FBLN2: variants seen among roughly 807,000 people sequenced by gnomAD.
FBLN2 encodes the protein fibulin-2.
Under a neutral mutation model 123.7 loss-of-function variants are expected in FBLN2, and 81 were observed. The ratio of observed to expected loss-of-function variants is 0.65; its 90% confidence interval spans 0.55 to 0.79. The LOEUF is 0.79. Among genes scored for constraint, FBLN2 ranks in the 30% least tolerant of loss-of-function variants. FBLN2 has a pLI of 0.00. For missense variants in FBLN2, 1,603 were observed against 1,681.3 expected (o/e 0.95, Z 0.81); for synonymous variants, 699 against 701.4 (o/e 1.00, Z 0.05).
chr3:13,622,628 G>A (rs564102530), intron 9 of FBLN2, among the ~76,000 whole-genome samples: 1 of 152,358 alleles, frequency 6.6e-6, no homozygotes, highest in African/African-American at 2.4e-5. Context: ...CACCTGGCCT[G>A]CACATCGCCC....
intron 1 of FBLN2, among the ~76,000 whole-genome samples, chr3:13,560,364 G>A (rs962232210): frequency 1.1e-4 from 17 of 152,164 alleles, no homozygotes; most frequent in Non-Finnish European, 1.6e-4. Context: ...ACCAGTGAGC[G>A]TGTGAGGAGC....
At chr3:13,600,616 C>T (rs1705000395) in intron 2 of FBLN2, among the ~76,000 whole-genome samples, 1 of 137,786 alleles carries the variant, frequency 7.3e-6, no homozygotes. Context: ...ATTTTGTACA[C>T]TTTTTTTTTT....
In FBLN2 at chr3:13,637,559, C is replaced by T. The variant is rs765879608; in HGVS notation, c.3339-3C>T. On this transcript the variant is annotated splice_polypyrimidine_tract_variant and splice_region_variant and intron_variant, in intron 17 of 17. Transcript: ENST00000404922. Reference sequence around the variant, plus strand: ...TGGGTGACCCGGCCTATCCTCCCTGCAGGAAGTGCGAGCGCACCACGTGCC... The same window carrying T: ...TGGGTGACCCGGCCTATCCTCCCTGTAGGAAGTGCGAGCGCACCACGTGCC... 6.3e-7 allele frequency: 1 copy of T among 1,597,936 alleles called. No individual in the cohort carries two copies.
intron 8 of FBLN2, among the ~76,000 whole-genome samples, chr3:13,620,793 C>A (rs924418923): frequency 6.6e-6 from 1 of 152,232 alleles, no homozygotes; most frequent in Non-Finnish European, 1.5e-5. Flanking sequence ...ATACCCACAT[C>A]CCTCCCAGAA....
chr3:13,634,701 C>T (rs76966139), intron 16 of FBLN2, among the ~76,000 whole-genome samples: 9,693 of 152,266 alleles, frequency 0.064, 486 homozygotes, highest in African/African-American at 0.13. Context: ...GCCTATTTTA[C>T]GGAGGGAGGG....
rs113307950 is a variant in FBLN2 at position 13,631,294 on chromosome 3, C to T, written c.3086-35C>T. On this transcript the variant is annotated intron_variant, in intron 15 of 17. Coordinates refer to ENST00000404922, the MANE Select transcript of FBLN2 (RefSeq NM_001004019.2). Reference sequence around the variant, plus strand: ...TCAGTGGCTGGGCTCTGTGGGTGGACGAGGTTCACCAGGGGCTGAACCTCT... The same window carrying T: ...TCAGTGGCTGGGCTCTGTGGGTGGATGAGGTTCACCAGGGGCTGAACCTCT... 16 of 1,587,474 alleles carry T rather than the reference C, an allele frequency of 1.0e-5. No individual in the cohort carries two copies. The East Asian group carries it at 1.1e-4, about 11-fold the overall frequency.
intron 1 of FBLN2, among the ~76,000 whole-genome samples, chr3:13,555,826 G>A (rs144825627): frequency 2.3e-3 from 343 of 152,318 alleles, no homozygotes; most frequent in Non-Finnish European, 2.9e-3. Context: ...GTCTAGAGAC[G>A]GTCTCCAATA....
chr3:13,616,074 G>A (rs951674918), intron 5 of FBLN2, among the ~76,000 whole-genome samples: 2 of 152,188 alleles, frequency 1.3e-5, no homozygotes, highest in African/African-American at 2.4e-5. Flanking sequence ...GTGAGTGTGT[G>A]GGGGTTGGAC....
chr3:13,619,972 T>C, intron 8 of FBLN2, 141 bp downstream of exon 8: 1 of 614,618 alleles, frequency 1.6e-6, no homozygotes, highest in Non-Finnish European at 2.8e-6. Flanking sequence ...GCACCCCTAG[T>C]GGAGCAGGTT....
intron 16 of FBLN2, among the ~76,000 whole-genome samples, chr3:13,633,073 A>G (rs1193807494): frequency 1.3e-5 from 2 of 152,232 alleles, no homozygotes; most frequent in Non-Finnish European, 1.5e-5. Context: ...ACCTGTCTGC[A>G]TTGAGGACAG....
At chr3:13,635,333 A>G (rs2124914481) in intron 16 of FBLN2, among the ~76,000 whole-genome samples, 2 of 151,548 alleles carry the variant, frequency 1.3e-5, no homozygotes, top group Non-Finnish European at 2.9e-5. Context: ...TTTCTCAAGA[A>G]CCCATTTCTA....
chr3:13,595,229 G>A (rs972082769), intron 2 of FBLN2, among the ~76,000 whole-genome samples: 11 of 152,170 alleles, frequency 7.2e-5, no homozygotes, highest in African/African-American at 2.4e-4. Flanking sequence ...ACCCACAGAG[G>A]AGAAGGTGAT....
At chr3:13,555,076 C>T (rs1388134138) in intron 1 of FBLN2, among the ~76,000 whole-genome samples, 1 of 151,880 alleles carries the variant, frequency 6.6e-6, no homozygotes, top group African/African-American at 2.4e-5. Flanking sequence ...CCTCAGCCTC[C>T]CGAGTAGCTG....
chr3:13,551,354 G>A (rs990287102), intron 1 of FBLN2, among the ~76,000 whole-genome samples: 29 of 152,200 alleles, frequency 1.9e-4, no homozygotes, highest in African/African-American at 6.5e-4. Flanking sequence ...ACGGTGGTAT[G>A]GGGACCCCGT....
intron 1 of FBLN2, among the ~76,000 whole-genome samples, 196 bp downstream of exon 1, chr3:13,549,404 G>C (rs1703262986): frequency 6.6e-6 from 1 of 151,528 alleles, no homozygotes; most frequent in Non-Finnish European, 1.5e-5. Flanking sequence ...GACGGCCCGC[G>C]AGCGCCGCGA....
chr3:13,637,637 C>A lies in FBLN2; in HGVS notation c.3414C>A (p.Leu1138=), dbSNP rs771767309. The A allele has an allele frequency of 6.2e-7, 1 of 1,614,006 alleles. No homozygotes were observed. The highest frequency in any genetic ancestry group is 1.7e-5 in the Admixed American group (1 of 60,024). Residue 1138 remains leucine (L), a synonymous_variant, in exon 18 of 18, where the codon CTC becomes CTA. Transcript: ENST00000404922. ...CAGCGCGCATCACGCACTACCAGCT[C>A]AACTTCCAGACGGGCCTCCTGGTGC... ...NSPARITHYQ[L]NFQTGLLVPA...
intron 1 of FBLN2, among the ~76,000 whole-genome samples, chr3:13,567,720 C>T (rs1476501592): frequency 6.6e-6 from 1 of 152,006 alleles, no homozygotes. Flanking sequence ...GTAATCCCAG[C>T]ACTGTAGGAG....
In FBLN2 at chr3:13,608,005, A is replaced by G. The variant is rs1264339028; in HGVS notation, c.1307-57A>G. The G allele has an allele frequency of 2.8e-6, 4 of 1,406,468 alleles. 1 individual carries two copies. The highest frequency in any genetic ancestry group is 1.7e-4 in the Middle Eastern group (1 of 5,798). The allele number at this position is 1,406,468 out of a possible 1,614,324, so 87.1% of individuals were successfully genotyped here. The stretch of plus-strand genomic sequence containing the variant: ...AGGAGACCTGGACAGGCCCCTGCAT[A>G]TCTGCTGGACTTGGTGACTTATGAA... On this transcript the variant is annotated intron_variant, in intron 2 of 17. Coordinates refer to ENST00000404922, the MANE Select transcript of FBLN2 (RefSeq NM_001004019.2).
At chr3:13,572,025 G>C (rs1309540882) in intron 2 of FBLN2, among the ~76,000 whole-genome samples, 2 of 152,210 alleles carry the variant, frequency 1.3e-5, no homozygotes, top group African/African-American at 4.8e-5. Flanking sequence ...CAGGAAATGC[G>C]AAGGGCGGTC....
Sources: gnomAD v4.1 joint callset for allele counts (sites outside exome capture counted in the v4.1 genomes callset) on GRCh38, gnomAD v4.1.1 for gene constraint, MANE v1.5 for transcripts, NCBI Gene and HGNC (gene_info 2026-07-23, HGNC 2026-07-21) for gene names.